PSPC1: variants seen among roughly 807,000 people sequenced by gnomAD.
PSPC1 encodes paraspeckle component 1, also known as paraspeckle protein 1.
PSPC1 carries 14 observed loss-of-function variants against 51.6 expected under a neutral mutation model. The ratio of observed to expected loss-of-function variants is 0.27; its 90% confidence interval spans 0.18 to 0.42. The LOEUF is 0.42. Ranked by LOEUF, PSPC1 falls within the 10% of genes least tolerant of loss-of-function variation. The pLI is 1.00. For missense variants in PSPC1, 406 were observed against 701.1 expected (o/e 0.58, Z 4.75); for synonymous variants, 193 against 231.9 (o/e 0.83, Z 1.53).
chr13:19,782,794 A>G lies in PSPC1; in HGVS notation c.-37T>C. On this transcript the variant is annotated 5_prime_UTR_variant, in exon 1 of 9. Transcript: ENST00000338910. The surrounding 1 kb of genome is among the most constrained non-coding windows in gnomAD (Gnocchi z 4.5). ...CGCCTCGGACACCGGATACAGGCCT[A>G]GATTTATAGACAGTGTGTCTATATA... 6.6e-7 allele frequency: 1 copy of G among 1,504,894 alleles called. No homozygotes were observed. The highest frequency in any genetic ancestry group is 8.7e-7 in the Non-Finnish European group (1 of 1,144,810). 93.2% of individuals were successfully genotyped at this position (1,504,894 alleles called of 1,614,324 possible). A position where few individuals can be genotyped will look rare whatever the true frequency, so the allele number is the denominator to read the frequency against.
downstream of PSPC1, chr13:19,673,105 T>G (rs1201844292): frequency 2.0e-5 from 9 of 452,512 alleles, 1 homozygote; most frequent in Admixed American, 1.4e-4. Context: ...TTTGTTTTTT[T>G]TTTTTGAAAA....
intron 2 of PSPC1, among the ~76,000 whole-genome samples, chr13:19,766,429 G>C (rs1421419065): frequency 1.3e-5 from 2 of 152,118 alleles, no homozygotes; most frequent in Non-Finnish European, 2.9e-5. Flanking sequence ...GCGGTGGCTT[G>C]TGTCTGTAAT....
At chr13:19,781,027 CG>C (rs1353364593) in intron 1 of PSPC1, among the ~76,000 whole-genome samples, 3 of 151,414 alleles carry the variant, frequency 2.0e-5, no homozygotes, top group Non-Finnish European at 4.4e-5. Context: ...CTTGGGGGTG[CG>C]TGACTGTAGT....
At chr13:19,753,258 G>A (rs71198927) in intron 3 of PSPC1, among the ~76,000 whole-genome samples, 1 of 148,832 alleles carries the variant, frequency 6.7e-6, no homozygotes, top group Non-Finnish European at 1.5e-5. Flanking sequence ...ACTCCAGCCT[G>A]GGCAACAAGA....
At chr13:19,738,415 G>A (rs1015019863) in intron 5 of PSPC1, among the ~76,000 whole-genome samples, 8 of 152,032 alleles carry the variant, frequency 5.3e-5, no homozygotes, top group African/African-American at 1.9e-4. Flanking sequence ...TATAACCTAT[G>A]CACATCCTCC....
At chr13:19,728,187 GA>G (rs1013388910) in intron 6 of PSPC1, among the ~76,000 whole-genome samples, 8 of 151,972 alleles carry the variant, frequency 5.3e-5, no homozygotes, top group African/African-American at 1.9e-4. Flanking sequence ...TTTGTTACAT[GA>G]AATTATTATT....
intron 6 of PSPC1, among the ~76,000 whole-genome samples, chr13:19,729,850 ATATGTT>A (rs1883832556): frequency 6.6e-6 from 1 of 152,206 alleles, no homozygotes; most frequent in African/African-American, 2.4e-5. Context: ...AAGATTGGCC[ATATGTT>A]TATAAGTGTT....
chr13:19,743,666 T>C lies in PSPC1; in HGVS notation c.968-2017A>G, dbSNP rs1885657361. Among the ~76,000 whole-genome samples, 2 of 152,160 alleles carry C rather than the reference T, an allele frequency of 1.3e-5. 1 individual carries two copies. The highest frequency in any genetic ancestry group is 4.1e-4 in the South Asian group (2 of 4,834). The stretch of plus-strand genomic sequence containing the variant: ...GGGGATGTTGCTAAGAAAAGTCTGT[T>C]TTGGTATATGAGACAGGGCCCAGGT... On this transcript the variant is annotated intron_variant, in intron 4 of 8. Coordinates refer to ENST00000338910, the MANE Select transcript of PSPC1 (RefSeq NM_001354909.2).
intron 2 of PSPC1, among the ~76,000 whole-genome samples, chr13:19,768,423 G>A (rs1179264608): frequency 5.3e-5 from 8 of 151,294 alleles, no homozygotes; most frequent in African/African-American, 1.5e-4. Context: ...TGAGGCGGGC[G>A]GATCACAAGG....
chr13:19,773,143 G>C (rs1888775973), intron 1 of PSPC1, among the ~76,000 whole-genome samples: 3 of 151,744 alleles, frequency 2.0e-5, no homozygotes, highest in African/African-American at 7.3e-5. Context: ...CTGGTGAACA[G>C]AGCAAGACTC....
At chr13:19,767,329 C>T (rs912280969) in intron 2 of PSPC1, among the ~76,000 whole-genome samples, 4 of 151,910 alleles carry the variant, frequency 2.6e-5, no homozygotes, top group Non-Finnish European at 5.9e-5. Context: ...GCTTAATAGT[C>T]GAAAGTAAGT....
chr13:19,713,912 G>GT (rs1384977266), intron 6 of PSPC1, among the ~76,000 whole-genome samples: 1 of 152,074 alleles, frequency 6.6e-6, no homozygotes, highest in Non-Finnish European at 1.5e-5. Context: ...ACTTTTCTCT[G>GT]TATCAACATT....
At chr13:19,736,298 T>A (rs935868107) in intron 5 of PSPC1, among the ~76,000 whole-genome samples, 2 of 152,170 alleles carry the variant, frequency 1.3e-5, no homozygotes, top group African/African-American at 2.4e-5. Flanking sequence ...TATCACCTTA[T>A]ATTGAGATAT....
intron 7 of PSPC1, among the ~76,000 whole-genome samples, chr13:19,677,481 A>C (rs1306083028): frequency 6.6e-6 from 1 of 152,318 alleles, no homozygotes; most frequent in South Asian, 2.1e-4. Flanking sequence ...CGAAGCTGAG[A>C]GTCCCCTCTA....
chr13:19,726,993 G>T (rs1027749586), intron 6 of PSPC1, among the ~76,000 whole-genome samples: 1 of 152,176 alleles, frequency 6.6e-6, no homozygotes, highest in Non-Finnish European at 1.5e-5. Context: ...AGCTTTAATA[G>T]TAAGTCAGGT....
intron 6 of PSPC1, among the ~76,000 whole-genome samples, chr13:19,712,578 T>C (rs1160911372): frequency 3.3e-5 from 5 of 152,142 alleles, no homozygotes; most frequent in African/African-American, 1.2e-4. Flanking sequence ...AAGTTAACTA[T>C]TAAACATGAA....
At chr13:19,773,508 G>C (rs1337248758) in intron 1 of PSPC1, among the ~76,000 whole-genome samples, 1 of 151,876 alleles carries the variant, frequency 6.6e-6, no homozygotes, top group Non-Finnish European at 1.5e-5. Flanking sequence ...AAAGTGCTGG[G>C]ATTACAGGCG....
intron 6 of PSPC1, chr13:19,677,973 G>T: frequency 3.0e-6 from 1 of 333,686 alleles, no homozygotes; most frequent in South Asian, 2.3e-5. Context: ...TTTCCATTCA[G>T]TAAGGATTTT....
rs372127565 is a variant in PSPC1, at chr13:19,781,937, T to G, written c.372+449A>C. Reference sequence around the variant, plus strand: ...TGATACGTCTGGTCCGACTTAAGCTTCCTTTCCAAATGTACATCCAATTCG... The same window carrying G: ...TGATACGTCTGGTCCGACTTAAGCTGCCTTTCCAAATGTACATCCAATTCG... On this transcript the variant is annotated intron_variant, in intron 1 of 8. Transcript: ENST00000338910. 1.3e-4 allele frequency among the ~76,000 whole-genome samples: 20 copies of G among 152,292 alleles called. No individual in the cohort carries two copies. In the East Asian group the frequency reaches 1.5e-3, roughly 12 times the overall value.
Sources: allele counts gnomAD v4.1 joint callset (sites outside exome capture counted in the v4.1 genomes callset), GRCh38; gene constraint gnomAD v4.1.1; non-coding constraint Gnocchi (gnomAD v3.1); transcripts MANE v1.5; gene names NCBI Gene and HGNC (gene_info 2026-07-23, HGNC 2026-07-21).